CHAC1: variants seen among roughly 807,000 people sequenced by gnomAD.
CHAC1 encodes the protein ChaC glutathione specific gamma-glutamylcyclotransferase 1.
Under a neutral mutation model 22.1 loss-of-function variants are expected in CHAC1, and 22 were observed. The ratio of observed to expected loss-of-function variants is 1.00; its 90% CI spans 0.71 to 1.42. CHAC1 has a LOEUF of 1.42. CHAC1 is among the 40% of genes most tolerant of loss of function. The pLI is 0.00. For missense variants in CHAC1, 272 were observed against 299.2 expected (o/e 0.91, Z 0.67); for synonymous variants, 145 against 128.7 (o/e 1.13, Z -0.86).
chr15:40,953,864 C>T, intron 1 of CHAC1, 50 bp downstream of exon 1: 1 of 1,431,126 alleles, frequency 7.0e-7, no homozygotes, highest in Non-Finnish European at 9.4e-7. Context: ...GGGCGGGATA[C>T]TGGGCGCCAG....
Position 40,954,582 on chromosome 15 carries a change from T to G in CHAC1, c.267+319T>G, listed in dbSNP as rs111713688. ...TAGACCACTTTGTCAACTGTTTTTT[T>G]TTTTTGTTGTTGTTGTTGTTGTTTT... is the stretch of plus-strand genomic sequence containing the variant. On this transcript the variant is annotated intron_variant, in intron 2 of 2. Transcript: ENST00000617768. 6.3e-3 allele frequency among the ~76,000 whole-genome samples: 932 copies of G among 148,946 alleles called. 5 individuals carry two copies. Among genetic ancestry groups the G allele is most frequent in the South Asian group, 0.02 (97 of 4,780 alleles).
intron 1 of CHAC1, 90 bp from the exon 2 acceptor site, chr15:40,954,138 C>A (rs1893175327): frequency 1.4e-6 from 2 of 1,406,770 alleles, no homozygotes; most frequent in South Asian, 1.2e-5. Context: ...CACTTGGAGG[C>A]CCGGGTCAGC....
intron 2 of CHAC1, among the ~76,000 whole-genome samples, chr15:40,955,107 G>A (rs751199613): frequency 1.8e-4 from 27 of 152,234 alleles, no homozygotes; most frequent in South Asian, 4.2e-4. Context: ...TGGCCAGGCC[G>A]GTCTCGAACA....
chr15:40,955,581 A>G lies in CHAC1; in HGVS notation c.476A>G (p.Glu159Gly). The change falls in exon 3 of 3, where the codon GAG becomes GGG. Residue 159 changes from glutamate (E) to glycine (G), a missense_variant. Coordinates refer to ENST00000617768, the MANE Select transcript of CHAC1 (RefSeq NM_024111.6). The part of the protein sequence containing the change: ...NPGYLGPAPE[E>G]AIATQILACR... ...GGTTACCTGGGCCCTGCGCCTGAAGAGGCCATTGCCACGCAGATCCTGGCC... is the reference window on the plus strand; with the variant it reads ...GGTTACCTGGGCCCTGCGCCTGAAGGGGCCATTGCCACGCAGATCCTGGCC... The G allele has an allele frequency of 6.2e-7, 1 of 1,614,056 alleles. No individual in the cohort carries two copies.
chr15:40,953,636 C>A lies in CHAC1; in HGVS notation c.53C>A (p.Thr18Lys). The change falls in exon 1 of 3, where the codon ACG becomes AAG. Residue 18 changes from threonine to lysine, a missense_variant. Physicochemically the swap from Thr to Lys is moderately conservative, Grantham distance 78. Transcript: ENST00000617768. The part of the protein sequence containing the change: ...PNTPPTSQSP[T>K]PSAQFPRNDG... The stretch of plus-strand genomic sequence containing the variant: ...ACCCCGCCCACCTCGCAGTCCCCTA[C>A]GCCGTCCGCTCAGTTCCCCCGAAAC... 1.9e-6 allele frequency: 3 copies of A among 1,609,834 alleles called. No individual in the cohort carries two copies. Among genetic ancestry groups the A allele is most frequent in the Non-Finnish European group, 2.5e-6 (3 of 1,179,986 alleles).
rs1180382013 is a variant in CHAC1, at chr15:40,955,392, C to T, written c.287C>T (p.Ala96Val). 6.2e-7 allele frequency: 1 copy of T among 1,613,964 alleles called. No homozygotes were observed. The highest frequency in any genetic ancestry group is 1.1e-5 in the South Asian group (1 of 91,082). ...EDHEGCTWGV[A>V]YQVQGEQVSK... ...TCCCAGGGCTGCACTTGGGGCGTGG[C>T]ATACCAAGTGCAAGGGGAGCAGGTA... is the stretch of plus-strand genomic sequence containing the variant. The change falls in exon 3 of 3, where the codon GCA becomes GTA. Residue 96 changes from alanine (A) to valine (V), a missense_variant. Coordinates refer to ENST00000617768, the MANE Select transcript of CHAC1 (RefSeq NM_024111.6).
chr15:40,954,578 T>G (rs1337472538), intron 2 of CHAC1, among the ~76,000 whole-genome samples: 1 of 88,486 alleles, frequency 1.1e-5, no homozygotes, highest in African/African-American at 3.5e-5. Context: ...GTCAACTGTT[T>G]TTTTTTTTTG....
intron 1 of CHAC1, 101 bp from the exon 2 acceptor site, chr15:40,954,127 G>A: frequency 1.6e-6 from 2 of 1,233,124 alleles, no homozygotes; most frequent in South Asian, 1.2e-5. Flanking sequence ...GCAGAGTGGG[G>A]CACTTGGAGG....
intron 1 of CHAC1, 156 bp from the exon 2 acceptor site, chr15:40,954,072 G>T (rs1893173613): frequency 2.6e-6 from 2 of 776,198 alleles, no homozygotes; most frequent in South Asian, 3.3e-5. Flanking sequence ...TCCTACATCC[G>T]TGCATCGCTC....
At position 40,955,435 on chromosome 15, in the gene CHAC1, C is replaced by T. The variant is rs1178539794; in HGVS notation, c.330C>T (p.Tyr110=). The change falls in exon 3 of 3, where the codon TAC becomes TAT. Residue 110 remains tyrosine (Y), a synonymous_variant. Transcript: ENST00000617768. ...AGCAGGTAAGCAAGGCCCTGAAGTACCTGAATGTGCGAGAGGCAGTGCTTG... is the reference window on the plus strand; with the variant it reads ...AGCAGGTAAGCAAGGCCCTGAAGTATCTGAATGTGCGAGAGGCAGTGCTTG... ...QGEQVSKALK[Y]LNVREAVLGG... The T allele has an allele frequency of 6.2e-7, 1 of 1,614,012 alleles. No homozygotes were observed. Among genetic ancestry groups the T allele is most frequent in the African/African-American group, 1.3e-5 (1 of 74,908 alleles).
In CHAC1 at chr15:40,953,702, C is replaced by A. The variant is rs1269897754; in HGVS notation, c.119C>A (p.Ser40Tyr). Residue 40 changes from serine to tyrosine, a missense_variant, in exon 1 of 3, where the codon TCC becomes TAC. Ser to Tyr is a moderately radical substitution (Grantham distance 144, BLOSUM62 -2). Transcript: ENST00000617768. The stretch of plus-strand genomic sequence containing the variant: ...GCGCTGTGGATTTTCGGGTACGGCT[C>A]CCTGGTGTGGAGGCCCGACTTCGCC... ...PQALWIFGYG[S>Y]LVWRPDFAYS... 67 of 1,606,694 alleles carry A rather than the reference C, an allele frequency of 4.2e-5. No individual in the cohort carries two copies. Among genetic ancestry groups the A allele is most frequent in the Non-Finnish European group, 5.4e-5 (64 of 1,179,998 alleles).
In CHAC1 at chr15:40,956,462, G is replaced by A. The variant is rs1443835152; in HGVS notation, c.*688G>A. ...TGGGAAGCTCATCACTACAGGCCCTGGCAACCTTCCCAGTCTGTCCCATAC... is the reference window on the plus strand; with the variant it reads ...TGGGAAGCTCATCACTACAGGCCCTAGCAACCTTCCCAGTCTGTCCCATAC... On this transcript the variant is annotated 3_prime_UTR_variant, in exon 3 of 3. Transcript: ENST00000617768. The A allele has an allele frequency of 6.6e-6, 1 of 152,564 alleles. No homozygotes were observed. Among genetic ancestry groups the A allele is most frequent in the Non-Finnish European group, 1.5e-5 (1 of 68,354 alleles). The allele number at this position is 152,564 out of a possible 1,614,324, so 9.5% of individuals were successfully genotyped here. A position where few individuals can be genotyped will look rare whatever the true frequency, so the allele number is the denominator to read the frequency against.
chr15:40,956,024 A>G lies in CHAC1; in HGVS notation c.*250A>G, dbSNP rs1893238936. On this transcript the variant is annotated 3_prime_UTR_variant, in exon 3 of 3. Transcript: ENST00000617768. ...CAGGTGGAGGGCCTGCCCTGGACAC[A>G]GGGGCCCTGCTGAGCAGTGGCCCCA... The G allele has an allele frequency of 6.0e-6, 3 of 498,324 alleles. No homozygotes were observed. The highest frequency in any genetic ancestry group is 1.1e-5 in the Non-Finnish European group (3 of 279,954). The allele number at this position is 498,324 out of a possible 1,614,324, so 30.9% of individuals were successfully genotyped here.
rs1354674792 is a variant in CHAC1, at chr15:40,955,577, G to A, written c.472G>A (p.Glu158Lys). The A allele has an allele frequency of 3.7e-6, 6 of 1,613,966 alleles. No individual in the cohort carries two copies. The highest frequency in any genetic ancestry group is 2.7e-5 in the African/African-American group (2 of 74,942). Residue 158 changes from glutamate (E) to lysine (K), a missense_variant, in exon 3 of 3, where the codon GAA becomes AAA. Glu to Lys is a moderately conservative substitution (Grantham distance 56). Coordinates refer to ENST00000617768, the MANE Select transcript of CHAC1 (RefSeq NM_024111.6). ...QNPGYLGPAP[E>K]EAIATQILAC... ...CCCTGGTTACCTGGGCCCTGCGCCT[G>A]AAGAGGCCATTGCCACGCAGATCCT...
rs1366947252 is a variant in CHAC1 at position 40,955,471 on chromosome 15, T to A, written c.366T>A (p.Asp122Glu). 1 of 1,614,142 alleles carries A rather than the reference T, an allele frequency of 6.2e-7. No individual in the cohort carries two copies. Among genetic ancestry groups the A allele is most frequent in the South Asian group, 1.1e-5 (1 of 91,086 alleles). Residue 122 changes from aspartate (D) to glutamate (E), a missense_variant, in exon 3 of 3, where the codon GAT (aspartate) becomes GAA (glutamate). By Grantham distance (45) the Asp-to-Glu change is conservative. Coordinates refer to ENST00000617768, the MANE Select transcript of CHAC1 (RefSeq NM_024111.6). ...GAGAGGCAGTGCTTGGTGGCTACGA[T>A]ACCAAGGAGGTCACCTTCTATCCCC... ...NVREAVLGGY[D>E]TKEVTFYPQD...
chr15:40,953,617 C>T lies in CHAC1; in HGVS notation c.34C>T (p.Pro12Ser), dbSNP rs1249277533. Residue 12 changes from proline (P) to serine (S), a missense_variant, in exon 1 of 3, where the codon CCC (proline) becomes TCC (serine). Transcript: ENST00000617768. ...KQESAAPNTPPTSQSPTPSAQ... is the reference protein window; with the variant it reads ...KQESAAPNTPSTSQSPTPSAQ... ...GGAGTCTGCAGCCCCGAACACCCCG[C>T]CCACCTCGCAGTCCCCTACGCCGTC... is the stretch of plus-strand genomic sequence containing the variant. The T allele has an allele frequency of 1.4e-5, 23 of 1,610,000 alleles. No homozygotes were observed. Among genetic ancestry groups the T allele is most frequent in the East Asian group, 4.5e-5 (2 of 44,884 alleles).
chr15:40,955,841 GAC>G lies in CHAC1; in HGVS notation c.*69_*70del. 1 of 1,465,902 alleles carries G rather than the reference GAC, an allele frequency of 6.8e-7. No individual in the cohort carries two copies. The highest frequency in any genetic ancestry group is 9.0e-7 in the Non-Finnish European group (1 of 1,108,198). The allele number at this position is 1,465,902 out of a possible 1,614,324, so 90.8% of individuals were successfully genotyped here. On this transcript the variant is annotated 3_prime_UTR_variant, in exon 3 of 3. Coordinates refer to ENST00000617768, the MANE Select transcript of CHAC1 (RefSeq NM_024111.6). ...GCCAGACACCCACTCCAGTGCACAAGACAGACTTGCGACCGCTTGAGCCCACT... is the reference window on the plus strand; with the variant it reads ...GCCAGACACCCACTCCAGTGCACAAGAGACTTGCGACCGCTTGAGCCCACT...
intron 2 of CHAC1, among the ~76,000 whole-genome samples, chr15:40,954,585 T>G (rs9920171): frequency 0.33 from 48,499 of 147,996 alleles, 8,100 homozygotes; most frequent in Non-Finnish European, 0.38. Flanking sequence ...GTTTTTTTTT[T>G]TTGTTGTTGT....
chr15:40,953,878 C>T, intron 1 of CHAC1, 64 bp downstream of exon 1: 4 of 1,269,008 alleles, frequency 3.2e-6, no homozygotes, highest in Non-Finnish European at 4.3e-6. Context: ...GCGCCAGTGC[C>T]CTGGAATGTC....
Sources: gnomAD v4.1 joint callset for allele counts (sites outside exome capture counted in the v4.1 genomes callset) on GRCh38, gnomAD v4.1.1 for gene constraint, MANE v1.5 for transcripts, NCBI Gene and HGNC (gene_info 2026-07-23, HGNC 2026-07-21) for gene names.